Variants in ATP1B1 observed in about 807,000 individuals in gnomAD.
ATP1B1 encodes ATPase Na+/K+ transporting subunit beta 1, also known as sodium/potassium-transporting ATPase subunit beta-1.
A neutral mutation model predicts 39.6 loss-of-function variants in ATP1B1; 3 were observed. That is an observed-to-expected ratio of 0.08 (90% CI 0.03 to 0.20). ATP1B1 has a LOEUF of 0.20. Among genes scored for constraint, ATP1B1 ranks in the 10% least tolerant of loss-of-function variants. The pLI is 1.00. For synonymous variants in ATP1B1, 139 were observed against 135.0 expected (o/e 1.03, Z -0.20); for missense variants, 216 against 371.1 (o/e 0.58, Z 3.43).
At chr1:169,108,462 C>G (rs565761006) in intron 1 of ATP1B1, among the ~76,000 whole-genome samples, 1 of 152,238 alleles carries the variant, frequency 6.6e-6, no homozygotes, top group East Asian at 1.9e-4. Flanking sequence ...ACCCTTCTCC[C>G]CAGGTTAGCT....
At chr1:169,130,439 A>AT (rs1658185050) in intron 5 of ATP1B1, among the ~76,000 whole-genome samples, 1 of 145,870 alleles carries the variant, frequency 6.9e-6, no homozygotes, top group Non-Finnish European at 1.5e-5. Flanking sequence ...TGGGGCCAAC[A>AT]TTAAAAAAAA....
At chr1:169,125,586 TCTTA>T (rs1658069990) in intron 3 of ATP1B1, among the ~76,000 whole-genome samples, 1 of 152,198 alleles carries the variant, frequency 6.6e-6, no homozygotes. Context: ...AAAGAGAGGC[TCTTA>T]GTTTCATTAA....
At chr1:169,121,274 C>T (rs548632886) in intron 2 of ATP1B1, among the ~76,000 whole-genome samples, 11 of 152,298 alleles carry the variant, frequency 7.2e-5, no homozygotes, top group Admixed American at 6.5e-4. Flanking sequence ...ACAACAGAGG[C>T]ACTTACAAGA....
rs1657722729 is a variant in ATP1B1, at chr1:169,111,250, A to G, written c.98-120A>G. ...GTGAGGTGCACTCTTGACGTTGGAC[A>G]AGGAAGAAATCATGGGACCGGGGGA... On this transcript the variant is annotated intron_variant, in intron 1 of 5. Coordinates refer to ENST00000367815, the MANE Select transcript of ATP1B1 (RefSeq NM_001677.4). 5 of 1,388,944 alleles carry G rather than the reference A, an allele frequency of 3.6e-6. No homozygotes were observed. The Admixed American group carries it at 7.6e-5, about 21-fold the overall frequency. The allele number at this position is 1,388,944 out of a possible 1,614,324, so 86.0% of individuals were successfully genotyped here. A position where few individuals can be genotyped will look rare whatever the true frequency, so the allele number is the denominator to read the frequency against.
chr1:169,127,609 AG>A (rs1453304461), intron 4 of ATP1B1, among the ~76,000 whole-genome samples: 4 of 152,174 alleles, frequency 2.6e-5, no homozygotes, highest in African/African-American at 7.2e-5. Context: ...CTAAAGTTAA[AG>A]GAATTCTGAG....
chr1:169,127,225 T>C lies in ATP1B1; in HGVS notation c.384T>C (p.Asp128=). ...RDDMIFEDCG[D]VPSEPKERGD... is the part of the protein sequence containing the mutation. ...TAAAAGTTGTGTTTTTATTTTTAGA[T>C]GTGCCCAGTGAACCGAAAGAACGAG... is the stretch of plus-strand genomic sequence containing the variant. The change falls in exon 4 of 6, where the codon GAT becomes GAC. Residue 128 remains aspartate (D), a splice_region_variant and synonymous_variant. Transcript: ENST00000367815. The C allele has an allele frequency of 6.4e-7, 1 of 1,568,166 alleles. No homozygotes were observed. The highest frequency in any genetic ancestry group is 1.2e-5 in the South Asian group (1 of 80,898).
rs780898639 is a variant in ATP1B1 at position 169,131,307 on chromosome 1, G to A, written c.664G>A (p.Asp222Asn). Reference protein sequence around the residue: ...QCTGKRDEDKDKVGNVEYFGL... With the variant: ...QCTGKRDEDKNKVGNVEYFGL... The stretch of plus-strand genomic sequence containing the variant: ...TGGATTTCAGCGAGATGAAGATAAG[G>A]ATAAAGTTGGAAATGTGGAGTATTT... The change falls in exon 6 of 6, where the codon GAT becomes AAT. Residue 222 changes from aspartate to asparagine, a missense_variant. Transcript: ENST00000367815. This position sits in a 1 kb window ranked among gnomAD's most constrained non-coding sequence, Gnocchi z 4.4. 3.7e-6 allele frequency: 6 copies of A among 1,613,796 alleles called. No homozygotes were observed. Among genetic ancestry groups the A allele is most frequent in the Middle Eastern group, 1.6e-4 (1 of 6,062 alleles).
chr1:169,131,201 C>T lies in ATP1B1; in HGVS notation c.649-91C>T. 6.7e-7 allele frequency: 1 copy of T among 1,500,148 alleles called. No individual in the cohort carries two copies. Among genetic ancestry groups the T allele is most frequent in the South Asian group, 1.3e-5 (1 of 76,624 alleles). The allele number at this position is 1,500,148 out of a possible 1,614,324, so 92.9% of individuals were successfully genotyped here. On this transcript the variant is annotated intron_variant, in intron 5 of 5. Transcript: ENST00000367815. The surrounding 1 kb of genome is among the most constrained non-coding windows in gnomAD (Gnocchi z 4.4). The stretch of plus-strand genomic sequence containing the variant: ...TGTTCTTTCCTCTCTCAGTAGTTTG[C>T]AAACTACTGTGTAGATTGAGTCTTG...
At chr1:169,115,351 C>CT (rs536780262) in intron 2 of ATP1B1, among the ~76,000 whole-genome samples, 1,662 of 138,632 alleles carry the variant, frequency 0.012, 14 homozygotes, top group Middle Eastern at 0.023. Context: ...TTCTTTTTTT[C>CT]TTTTTTTTTT....
chr1:169,107,038 C>A, intron 1 of ATP1B1, 112 bp downstream of exon 1: 1 of 1,045,996 alleles, frequency 9.6e-7, no homozygotes, highest in Non-Finnish European at 1.4e-6. Context: ...GCCGGGGTGG[C>A]GGGGGCGAGG....
At chr1:169,116,150 C>G (rs1346936792) in intron 2 of ATP1B1, among the ~76,000 whole-genome samples, 1 of 152,240 alleles carries the variant, frequency 6.6e-6, no homozygotes. Flanking sequence ...CTGATTTGAC[C>G]CTGCTTGCCT....
intron 2 of ATP1B1, among the ~76,000 whole-genome samples, chr1:169,117,027 A>G (rs994792791): frequency 1.3e-5 from 2 of 152,106 alleles, no homozygotes; most frequent in Non-Finnish European, 2.9e-5. Flanking sequence ...TCTCTCACTC[A>G]CACTTCAAAG....
chr1:169,107,026 T>A, intron 1 of ATP1B1, 100 bp downstream of exon 1: 1 of 1,149,962 alleles, frequency 8.7e-7, no homozygotes, highest in Non-Finnish European at 1.2e-6. Context: ...CCCACCGCGC[T>A]GGCCGGGGTG....
In ATP1B1 at chr1:169,124,955, G is replaced by A; in HGVS notation, c.298G>A (p.Ala100Thr). ...TCCTAATGATCCCAAGAGCTATGAG[G>A]CATATGTACTGAACATAGTTAGGTT... Reference protein sequence around the residue: ...FRPNDPKSYEAYVLNIVRFLE... With the variant: ...FRPNDPKSYETYVLNIVRFLE... The change falls in exon 3 of 6, where the codon GCA becomes ACA. Residue 100 changes from alanine to threonine, a missense_variant. Physicochemically the swap from Ala to Thr is moderately conservative, Grantham distance 58. Coordinates refer to ENST00000367815, the MANE Select transcript of ATP1B1 (RefSeq NM_001677.4). The A allele has an allele frequency of 6.2e-7, 1 of 1,614,004 alleles. No individual in the cohort carries two copies. The highest frequency in any genetic ancestry group is 8.5e-7 in the Non-Finnish European group (1 of 1,179,946).
In ATP1B1 at chr1:169,131,176, T is replaced by C; in HGVS notation, c.649-116T>C. On this transcript the variant is annotated intron_variant, in intron 5 of 5. Coordinates refer to ENST00000367815, the MANE Select transcript of ATP1B1 (RefSeq NM_001677.4). The surrounding 1 kb of genome is among the most constrained non-coding windows in gnomAD (Gnocchi z 4.4). ...GCTGCAATGGAATAGACTGAGTAGATGTTCTTTCCTCTCTCAGTAGTTTGC... is the reference window on the plus strand; with the variant it reads ...GCTGCAATGGAATAGACTGAGTAGACGTTCTTTCCTCTCTCAGTAGTTTGC... 2 of 1,284,088 alleles carry C rather than the reference T, an allele frequency of 1.6e-6. No homozygotes were observed. Among genetic ancestry groups the C allele is most frequent in the South Asian group, 2.8e-5 (2 of 70,932 alleles). The allele number at this position is 1,284,088 out of a possible 1,614,324, so 79.5% of individuals were successfully genotyped here.
At chr1:169,122,190 C>T (rs1657992316) in intron 2 of ATP1B1, among the ~76,000 whole-genome samples, 1 of 152,206 alleles carries the variant, frequency 6.6e-6, no homozygotes, top group South Asian at 2.1e-4. Flanking sequence ...CTTCGGGTGG[C>T]CCCTCAGCAT....
intron 2 of ATP1B1, among the ~76,000 whole-genome samples, chr1:169,116,663 C>T (rs1657854013): frequency 6.6e-6 from 1 of 152,040 alleles, no homozygotes; most frequent in Non-Finnish European, 1.5e-5. Flanking sequence ...CCAGCCTGGC[C>T]AACATGGTGA....
rs1023231060 is a variant in ATP1B1 at position 169,106,934 on chromosome 1, C to G, written c.97+8C>G. 6.4e-7 allele frequency: 1 copy of G among 1,572,884 alleles called. No homozygotes were observed. The highest frequency in any genetic ancestry group is 1.8e-5 in the Admixed American group (1 of 55,608). On this transcript the variant is annotated splice_region_variant and intron_variant, in intron 1 of 5. Coordinates refer to ENST00000367815, the MANE Select transcript of ATP1B1 (RefSeq NM_001677.4). ...GGACCGGTGGCAGTTGGTGTAAGTA[C>G]GGGGTCCGCAGCTCCCGGCCGCCGC...
rs1274592070 is a variant in ATP1B1, at chr1:169,132,662, TC to T, written c.*1108del. 4 of 853,854 alleles carry T rather than the reference TC, an allele frequency of 4.7e-6. No homozygotes were observed. Among genetic ancestry groups the T allele is most frequent in the African/African-American group, 1.7e-5 (1 of 58,536 alleles). The allele number at this position is 853,854 out of a possible 1,614,324, so 52.9% of individuals were successfully genotyped here. On this transcript the variant is annotated 3_prime_UTR_variant, in exon 6 of 6. Coordinates refer to ENST00000367815, the MANE Select transcript of ATP1B1 (RefSeq NM_001677.4). ...GTAATAATTGCCAGGAGTACAGTGCTCTTGTTGATCTTGTATTCAGTCAGGT... is the reference window on the plus strand; with the variant it reads ...GTAATAATTGCCAGGAGTACAGTGCTTTGTTGATCTTGTATTCAGTCAGGT...
Sources: gnomAD v4.1 joint callset for allele counts (sites outside exome capture counted in the v4.1 genomes callset) on GRCh38, gnomAD v4.1.1 for gene constraint, Gnocchi (gnomAD v3.1) non-coding constraint, MANE v1.5 for transcripts, NCBI Gene and HGNC (gene_info 2026-07-23, HGNC 2026-07-21) for gene names.